CEP112: variants seen among roughly 807,000 people sequenced by gnomAD.
CEP112 encodes the protein centrosomal protein of 112 kDa.
Under a neutral mutation model 153.0 loss-of-function variants are expected in CEP112, and 127 were observed. That is an observed-to-expected ratio of 0.83 (90% CI 0.72 to 0.96). The LOEUF (loss-of-function observed/expected upper bound fraction) is 0.96, where lower values mean the gene tolerates loss of function less well. CEP112 is among the 40% of genes least tolerant of loss of function. CEP112 has a pLI of 0.00. For missense variants in CEP112, 1,089 were observed against 1,101.2 expected (o/e 0.99, Z 0.16); for synonymous variants, 358 against 374.4 (o/e 0.96, Z 0.51).
intron 4 of CEP112, among the ~76,000 whole-genome samples, chr17:66,160,628 C>T (rs1598466322): frequency 6.6e-6 from 1 of 152,146 alleles, no homozygotes; most frequent in Non-Finnish European, 1.5e-5. Context: ...GGAAAACTGG[C>T]TAGCCATATG....
At chr17:65,897,935 T>G (rs188071312) in intron 20 of CEP112, among the ~76,000 whole-genome samples, 1 of 152,072 alleles carries the variant, frequency 6.6e-6, no homozygotes, top group Non-Finnish European at 1.5e-5. Flanking sequence ...CTATGATTTT[T>G]GTCATTACAT....
intron 24 of CEP112, chr17:65,644,510 G>A (rs2045328217): frequency 1.2e-5 from 4 of 326,100 alleles, no homozygotes; most frequent in African/African-American, 6.5e-5. Context: ...GGTTAATTTG[G>A]ACAAAGCACA....
intron 21 of CEP112, among the ~76,000 whole-genome samples, chr17:65,753,331 G>A (rs1004888794): frequency 1.3e-5 from 2 of 152,122 alleles, no homozygotes; most frequent in Admixed American, 6.6e-5. Context: ...TCCATCTAAT[G>A]AATGAGTGGA....
At chr17:66,088,008 CTGG>C (rs2068004553) in intron 8 of CEP112, among the ~76,000 whole-genome samples, 15 of 151,360 alleles carry the variant, frequency 9.9e-5, no homozygotes, top group Non-Finnish European at 8.9e-5. Context: ...AGGCTCCAGA[CTGG>C]CCCAGTAGAT....
At chr17:66,166,829 G>A (rs1475511157) in intron 4 of CEP112, among the ~76,000 whole-genome samples, 3 of 151,408 alleles carry the variant, frequency 2.0e-5, no homozygotes, top group South Asian at 2.1e-4. Context: ...GCTTGAACCC[G>A]GGAGGCAGAG....
At chr17:65,697,113 T>C (rs1481558828) in intron 23 of CEP112, among the ~76,000 whole-genome samples, 1 of 152,206 alleles carries the variant, frequency 6.6e-6, no homozygotes, top group Non-Finnish European at 1.5e-5. Context: ...TTCATGGTAA[T>C]GGTCTGTTTT....
chr17:65,900,654 A>G (rs1209626506), intron 20 of CEP112, among the ~76,000 whole-genome samples: 1 of 152,166 alleles, frequency 6.6e-6, no homozygotes, highest in Admixed American at 6.6e-5. Context: ...CAAATCCTAC[A>G]CTGACTCAGA....
At chr17:65,807,971 C>A (rs2055711042) in intron 21 of CEP112, among the ~76,000 whole-genome samples, 1 of 152,230 alleles carries the variant, frequency 6.6e-6, no homozygotes, top group Non-Finnish European at 1.5e-5. Context: ...GTTCCACTGA[C>A]AACTTTCACC....
intron 4 of CEP112, among the ~76,000 whole-genome samples, chr17:66,142,589 C>A (rs1397017313): frequency 1.3e-5 from 2 of 152,136 alleles, no homozygotes; most frequent in African/African-American, 4.8e-5. Context: ...TTTCCTAACA[C>A]CATTTATTGA....
intron 16 of CEP112, among the ~76,000 whole-genome samples, chr17:66,026,194 A>G (rs571407996): frequency 6.6e-6 from 1 of 152,244 alleles, no homozygotes; most frequent in Non-Finnish European, 1.5e-5. Context: ...TTATTTGGGT[A>G]ATGGTTACAC....
At chr17:65,756,037 TAC>T (rs2145321975) in intron 21 of CEP112, among the ~76,000 whole-genome samples, 1 of 152,252 alleles carries the variant, frequency 6.6e-6, no homozygotes, top group Admixed American at 6.5e-5. Flanking sequence ...GGTCTAAGTA[TAC>T]TCAGCCCTGG....
chr17:65,664,709 C>G (rs2046598247), intron 24 of CEP112, among the ~76,000 whole-genome samples: 1 of 152,224 alleles, frequency 6.6e-6, no homozygotes. Context: ...CAGTCTTCCT[C>G]TCAATCCTGA....
chr17:66,137,706 T>G (rs1433218456), intron 4 of CEP112, among the ~76,000 whole-genome samples: 2 of 152,142 alleles, frequency 1.3e-5, no homozygotes, highest in Non-Finnish European at 2.9e-5. Flanking sequence ...AAGGATATTA[T>G]TATATACCAT....
chr17:65,854,823 T>C (rs1356189679), intron 20 of CEP112, among the ~76,000 whole-genome samples: 1 of 152,214 alleles, frequency 6.6e-6, no homozygotes, highest in Non-Finnish European at 1.5e-5. Flanking sequence ...TGTTCTTTGT[T>C]TTATAATGAT....
intron 16 of CEP112, among the ~76,000 whole-genome samples, chr17:66,018,063 G>C (rs532666303): frequency 4.6e-5 from 7 of 151,730 alleles, no homozygotes; most frequent in African/African-American, 1.2e-4. Context: ...AACCTAGAAA[G>C]AGATAATGCT....
rs546823283 is a variant in CEP112 at position 66,157,690 on chromosome 17, C to T, written c.470+17354G>A. On this transcript the variant is annotated intron_variant, in intron 4 of 26. Coordinates refer to ENST00000535342, the MANE Select transcript of CEP112 (RefSeq NM_001199165.4). Reference sequence around the variant, plus strand: ...AATAAAGAGATGGAGGAATATTTACCAAGCAAATGGAAAGCAAAAAAAAAA... The same window carrying T: ...AATAAAGAGATGGAGGAATATTTACTAAGCAAATGGAAAGCAAAAAAAAAA... Among the ~76,000 whole-genome samples the T allele has an allele frequency of 5.6e-4, 66 of 117,852 alleles. No individual in the cohort carries two copies. In the South Asian group the frequency reaches 7.0e-3, roughly 13 times the overall value. 77.3% of individuals were successfully genotyped at this position (117,852 alleles called of 152,430 possible).
chr17:65,794,624 G>C (rs568594329), intron 21 of CEP112, among the ~76,000 whole-genome samples: 4 of 152,288 alleles, frequency 2.6e-5, no homozygotes, highest in Admixed American at 6.5e-5. Context: ...TGGGTATCCT[G>C]ATGGCATTAA....
At chr17:66,127,447 T>C (rs745779261) in intron 6 of CEP112, among the ~76,000 whole-genome samples, 1 of 152,226 alleles carries the variant, frequency 6.6e-6, no homozygotes, top group African/African-American at 2.4e-5. Context: ...CCTTAAAACA[T>C]GAAAATGTTT....
intron 5 of CEP112, 126 bp downstream of exon 5, chr17:66,132,544 C>T: frequency 1.4e-6 from 1 of 710,094 alleles, no homozygotes; most frequent in African/African-American, 1.8e-5. Flanking sequence ...AGGATGTTCA[C>T]CAGAATCATC....
Sources: gnomAD v4.1 joint callset for allele counts (sites outside exome capture counted in the v4.1 genomes callset) on GRCh38, gnomAD v4.1.1 for gene constraint, MANE v1.5 for transcripts, NCBI Gene and HGNC (gene_info 2026-07-23, HGNC 2026-07-21) for gene names.